The following GNAQ variants were observed in gnomAD, a reference collection of about 807,000 sequenced individuals.
The protein encoded by GNAQ is guanine nucleotide-binding protein G(q) subunit alpha.
Under a neutral mutation model 43.9 loss-of-function variants are expected in GNAQ, and 8 were observed. The observed-to-expected ratio is 0.18, with a 90% CI of 0.11 to 0.33. GNAQ has a LOEUF of 0.33. Among genes scored for constraint, GNAQ ranks in the 10% least tolerant of loss-of-function variants. The pLI, the probability that GNAQ is intolerant of heterozygous loss-of-function variation, is 1.00. For missense variants in GNAQ, 158 were observed against 450.8 expected (o/e 0.35, Z 5.88); for synonymous variants, 155 against 170.7 (o/e 0.91, Z 0.71).
chr9:77,901,233 T>C (rs1020680774), intron 2 of GNAQ, among the ~76,000 whole-genome samples: 7 of 152,138 alleles, frequency 4.6e-5, no homozygotes, highest in African/African-American at 1.7e-4. Flanking sequence ...ATCACATCTG[T>C]TTCCTGCCCA....
At chr9:77,829,724 T>C (rs1827265612) in intron 2 of GNAQ, among the ~76,000 whole-genome samples, 1 of 152,126 alleles carries the variant, frequency 6.6e-6, no homozygotes, top group Non-Finnish European at 1.5e-5. Flanking sequence ...TTAGAGCTTA[T>C]AAGAAATGCA....
intron 2 of GNAQ, among the ~76,000 whole-genome samples, chr9:77,889,590 T>C (rs918001602): frequency 3.3e-5 from 5 of 152,136 alleles, no homozygotes; most frequent in Admixed American, 3.3e-4. Context: ...TGGACACATG[T>C]TGATCCTTCC....
chr9:77,972,300 T>C (rs1433494450), intron 1 of GNAQ, among the ~76,000 whole-genome samples: 1 of 152,142 alleles, frequency 6.6e-6, no homozygotes, highest in Non-Finnish European at 1.5e-5. Flanking sequence ...GCACGCACCA[T>C]GGCAAATCCT....
chr9:77,925,897 T>C (rs1321473428), intron 1 of GNAQ, among the ~76,000 whole-genome samples: 2 of 152,218 alleles, frequency 1.3e-5, no homozygotes, highest in Non-Finnish European at 1.5e-5. Flanking sequence ...ATATAACCTA[T>C]ACACATCCCC....
At chr9:77,905,573 T>G (rs1828692331) in intron 2 of GNAQ, among the ~76,000 whole-genome samples, 1 of 152,202 alleles carries the variant, frequency 6.6e-6, no homozygotes, top group African/African-American at 2.4e-5. Flanking sequence ...GAAAACTGCA[T>G]GAGATAACTG....
Position 77,978,734 on chromosome 9 carries a change from C to T in GNAQ, c.136+52366G>A, listed in dbSNP as rs377661042. 1.2e-4 allele frequency among the ~76,000 whole-genome samples: 19 copies of T among 152,274 alleles called. No individual in the cohort carries two copies. In the South Asian group the frequency reaches 3.7e-3, roughly 30 times the overall value. On this transcript the variant is annotated intron_variant, in intron 1 of 6. Transcript: ENST00000286548. ...CTTACACTCCACTAAATGTTCAAAA[C>T]TATTATCACACTTTAGTTTGGTTTT...
intron 2 of GNAQ, among the ~76,000 whole-genome samples, chr9:77,847,368 C>T (rs1010449473): frequency 2.0e-5 from 3 of 152,208 alleles, no homozygotes; most frequent in Admixed American, 6.5e-5. Context: ...CACTGCTATT[C>T]AGTGTGCCTT....
rs1019249050 is a variant in GNAQ at position 77,771,235 on chromosome 9, A to G, written c.735+23228T>C. On this transcript the variant is annotated intron_variant, in intron 5 of 6. Transcript: ENST00000286548. ...CTATTTAAGGGATGTGGGGGCCATA[A>G]GGGGATGGGAGAAGTGGGGCATATA... Among the ~76,000 whole-genome samples the G allele has an allele frequency of 5.3e-5, 8 of 152,294 alleles. No homozygotes were observed. In the East Asian group the frequency reaches 1.4e-3, roughly 26 times the overall value.
At chr9:77,776,092 A>C (rs921342903) in intron 5 of GNAQ, among the ~76,000 whole-genome samples, 1 of 152,248 alleles carries the variant, frequency 6.6e-6, no homozygotes, top group Admixed American at 6.5e-5. Flanking sequence ...GGCTTGCAAC[A>C]ACATAACATT....
chr9:77,950,395 T>C (rs1476218167), intron 1 of GNAQ, among the ~76,000 whole-genome samples: 1 of 152,202 alleles, frequency 6.6e-6, no homozygotes, highest in Non-Finnish European at 1.5e-5. Context: ...TTACAACACA[T>C]TTTTGTCCCA....
intron 1 of GNAQ, among the ~76,000 whole-genome samples, chr9:77,938,066 A>G (rs1829259438): frequency 6.6e-6 from 1 of 152,046 alleles, no homozygotes; most frequent in Non-Finnish European, 1.5e-5. Flanking sequence ...GGGGCCCCAT[A>G]TATAAAATGG....
chr9:77,808,602 G>C (rs1826865356), intron 3 of GNAQ, among the ~76,000 whole-genome samples: 1 of 151,960 alleles, frequency 6.6e-6, no homozygotes, highest in South Asian at 2.1e-4. Flanking sequence ...TAAATTTTAA[G>C]GTGCCAGGTT....
chr9:77,839,371 T>C (rs2117871405), intron 2 of GNAQ, among the ~76,000 whole-genome samples: 1 of 152,356 alleles, frequency 6.6e-6, no homozygotes, highest in Non-Finnish European at 1.5e-5. Context: ...CAATTTCCAC[T>C]ATCCATAAAT....
At chr9:77,815,593 G>A (rs1564118911) in intron 3 of GNAQ, 23 bp downstream of exon 3, 10 of 1,544,128 alleles carry the variant, frequency 6.5e-6, no homozygotes, top group Non-Finnish European at 8.0e-6. Context: ...AAAATCCATA[G>A]GGCCACCTGG....
intron 1 of GNAQ, among the ~76,000 whole-genome samples, chr9:77,937,351 T>G (rs905181176): frequency 6.6e-6 from 1 of 151,850 alleles, no homozygotes; most frequent in Non-Finnish European, 1.5e-5. Flanking sequence ...GGCAGGAGAA[T>G]TGCTTGAACC....
At chr9:77,741,697 G>C (rs142360925) in intron 5 of GNAQ, among the ~76,000 whole-genome samples, 177 of 152,236 alleles carry the variant, frequency 1.2e-3, no homozygotes, top group African/African-American at 4.0e-3. Context: ...TTTTAAACCA[G>C]TAAAATTACT....
intron 1 of GNAQ, among the ~76,000 whole-genome samples, chr9:77,936,127 T>A (rs545558757): frequency 6.6e-6 from 1 of 152,330 alleles, no homozygotes; most frequent in East Asian, 1.9e-4. Context: ...GCACATATGA[T>A]GACTTCCTAC....
intron 1 of GNAQ, among the ~76,000 whole-genome samples, chr9:78,001,646 G>A (rs888626895): frequency 4.0e-5 from 6 of 151,298 alleles, no homozygotes; most frequent in Admixed American, 3.3e-4. Context: ...TCTGGCTTCA[G>A]ATTCTAGTAC....
intron 2 of GNAQ, among the ~76,000 whole-genome samples, chr9:77,882,006 C>T (rs913135234): frequency 4.6e-5 from 7 of 152,084 alleles, no homozygotes; most frequent in African/African-American, 9.7e-5. Flanking sequence ...GGCATGGTGG[C>T]GGGCGCCTGT....
Sources: allele counts gnomAD v4.1 joint callset (sites outside exome capture counted in the v4.1 genomes callset), GRCh38; gene constraint gnomAD v4.1.1; transcripts MANE v1.5; gene names NCBI Gene and HGNC (gene_info 2026-07-23, HGNC 2026-07-21).